Variants in NACA observed in about 807,000 individuals in gnomAD.
NACA encodes nascent polypeptide-associated complex subunit alpha.
Under a neutral mutation model 86.4 loss-of-function variants are expected in NACA, and 42 were observed. The observed-to-expected ratio is 0.49, with a 90% CI of 0.38 to 0.63. The LOEUF is 0.63. Ranked by LOEUF, NACA falls within the 20% of genes least tolerant of loss-of-function variation. The pLI, the probability that NACA is intolerant of heterozygous loss-of-function variation, is 0.00. For synonymous variants in NACA, 898 were observed against 973.7 expected, an observed-to-expected ratio of 0.92 and a Z score of 1.45; for missense variants, 2,157 against 2,483.6, an observed-to-expected ratio of 0.87 and a Z score of 2.80.
In NACA at chr12:56,721,063, T is replaced by G; in HGVS notation, c.467A>C (p.Asn156Thr). 6.2e-7 allele frequency: 1 copy of G among 1,613,586 alleles called. No individual in the cohort carries two copies. Among genetic ancestry groups the G allele is most frequent in the South Asian group, 1.1e-5 (1 of 91,062 alleles). Residue 156 changes from asparagine (N) to threonine (T), a missense_variant, in exon 3 of 9, where the codon AAC (asparagine) becomes ACC (threonine). Physicochemically the swap from Asn to Thr is moderately conservative, Grantham distance 65. This residue lies in a region of NACA where 947 missense variants were observed against 917.9 expected (regional missense o/e 1.03). Coordinates refer to ENST00000454682, the MANE Select transcript of NACA (RefSeq NM_001365896.1). ...CACTGAAGGAGGTGAAGTAAGAAGGTTAGGTGGAAAAGCAGAACTCTTCTG... is the reference window on the plus strand; with the variant it reads ...CACTGAAGGAGGTGAAGTAAGAAGGGTAGGTGGAAAAGCAGAACTCTTCTG... ...SVQKSSAFPP[N>T]LLTSPPSVAV...
chr12:56,713,462 T>C, intron 6 of NACA, 75 bp downstream of exon 6: 1 of 1,539,500 alleles, frequency 6.5e-7, no homozygotes, highest in Non-Finnish European at 8.9e-7. Context: ...CAGAGAACTA[T>C]CTGACGCAAA....
chr12:56,719,863 T>A lies in NACA; in HGVS notation c.1667A>T (p.Asp556Val). 2.5e-6 allele frequency: 4 copies of A among 1,613,734 alleles called. No individual in the cohort carries two copies. The highest frequency in any genetic ancestry group is 3.4e-6 in the Non-Finnish European group (4 of 1,179,814). ...CTGGACTAACGGTAATACAGTAGGG[T>A]CTTTCTTGGTGGTGAGTCCTGCTTG... ...PAQAGLTTKKDPTVLPLVQAA... is the reference protein window; with the variant it reads ...PAQAGLTTKKVPTVLPLVQAA... Residue 556 changes from aspartate to valine, a missense_variant, in exon 3 of 9, where the codon GAC becomes GTC. Physicochemically the swap from Asp to Val is radical, Grantham distance 152 (BLOSUM62 -3). Coordinates refer to ENST00000454682, the MANE Select transcript of NACA (RefSeq NM_001365896.1).
At chr12:56,714,324 G>A in intron 5 of NACA, 38 bp downstream of exon 5, 1 of 1,594,014 alleles carries the variant, frequency 6.3e-7, no homozygotes, top group Non-Finnish European at 8.6e-7. Context: ...CTGTATAAAG[G>A]TGCTTCATAA....
In NACA at chr12:56,721,109, C is replaced by A; in HGVS notation, c.421G>T (p.Ala141Ser). 1.2e-6 allele frequency: 2 copies of A among 1,613,814 alleles called. No homozygotes were observed. Among genetic ancestry groups the A allele is most frequent in the African/African-American group, 2.7e-5 (2 of 75,006 alleles). The stretch of plus-strand genomic sequence containing the variant: ...TTCTGAACTGAGTGGGGAGCCAGGG[C>A]AACCAGAGCTAAGGGAGCTGAAGAG... ...PSSSAPLALV[A>S]LAPHSVQKSS... Residue 141 changes from alanine to serine, a missense_variant, in exon 3 of 9, where the codon GCC (alanine) becomes TCC (serine). Coordinates refer to ENST00000454682, the MANE Select transcript of NACA (RefSeq NM_001365896.1).
At chr12:56,723,520 GCCCCC>G (rs1175672746) in intron 2 of NACA, among the ~76,000 whole-genome samples, 1 of 152,094 alleles carries the variant, frequency 6.6e-6, no homozygotes, top group Admixed American at 6.6e-5. Context: ...CCAGCTTAGA[GCCCCC>G]TATTGTCCTT....
At position 56,716,221 on chromosome 12, in the gene NACA, G is replaced by T; in HGVS notation, c.5309C>A (p.Ser1770Tyr). 1 of 1,613,804 alleles carries T rather than the reference G, an allele frequency of 6.2e-7. No homozygotes were observed. Among genetic ancestry groups the T allele is most frequent in the Non-Finnish European group, 8.5e-7 (1 of 1,179,888 alleles). The change falls in exon 3 of 9, where the codon TCC becomes TAC. Residue 1770 changes from serine to tyrosine, a missense_variant. Coordinates refer to ENST00000454682, the MANE Select transcript of NACA (RefSeq NM_001365896.1). ...AAAGGCAGCTGCTGTTAGAGGGGTG[G>T]ACGCCTTAGACTCAGGAGGAGCCAA... The part of the protein sequence containing the change: ...GPLAPPESKA[S>Y]TPLTAAAFEK...
In NACA at chr12:56,724,682, G is replaced by A. The variant is rs556017550; in HGVS notation, c.-2-159C>T. ...TCCCCAAAGCACCTGGGAATAAGAGGTAAATATGATGTGACCCTCACGCCT... is the reference window on the plus strand; with the variant it reads ...TCCCCAAAGCACCTGGGAATAAGAGATAAATATGATGTGACCCTCACGCCT... On this transcript the variant is annotated intron_variant, in intron 1 of 8. Transcript: ENST00000454682. 9 of 692,292 alleles carry A rather than the reference G, an allele frequency of 1.3e-5. No individual in the cohort carries two copies. In the African/African-American group the frequency reaches 1.6e-4, roughly 12 times the overall value. 42.9% of individuals were successfully genotyped at this position (692,292 alleles called of 1,614,324 possible).
At chr12:56,715,821 G>T (rs780745503) in intron 3 of NACA, 50 bp downstream of exon 3, 2 of 1,444,390 alleles carry the variant, frequency 1.4e-6, no homozygotes, top group Non-Finnish European at 1.8e-6. Context: ...GCGCCCAAGA[G>T]GGGTGTGGAC....
Position 56,717,305 on chromosome 12 carries a change from G to A in NACA, c.4225C>T (p.Pro1409Ser). 1 of 1,342,650 alleles carries A rather than the reference G, an allele frequency of 7.4e-7. No individual in the cohort carries two copies. The highest frequency in any genetic ancestry group is 3.4e-5 in the East Asian group (1 of 29,346). The allele number at this position is 1,342,650 out of a possible 1,614,324, so 83.2% of individuals were successfully genotyped here. Residue 1409 changes from proline to serine, a missense_variant, in exon 3 of 9, where the codon CCT becomes TCT. Pro to Ser is a moderately conservative substitution (Grantham distance 74, BLOSUM62 -1). This residue lies in a region of NACA where 797 missense variants were observed against 777.6 expected (regional missense o/e 1.02). Coordinates refer to ENST00000454682, the MANE Select transcript of NACA (RefSeq NM_001365896.1). Reference protein sequence around the residue: ...KGDPTSPAVIPLSPKKAPATP... With the variant: ...KGDPTSPAVISLSPKKAPATP... ...GCTGGAGCCTTTTTGGGGGAGAGAG[G>A]AATCACTGCTGGGGAAGTGGGGTCC...
chr12:56,722,712 A>C (rs1373490150), intron 2 of NACA, among the ~76,000 whole-genome samples: 1 of 152,232 alleles, frequency 6.6e-6, no homozygotes, highest in South Asian at 2.1e-4. Context: ...AAACCAAAGA[A>C]GACAATTGGA....
In NACA at chr12:56,716,283, T is replaced by C. The variant is rs1156580515; in HGVS notation, c.5247A>G (p.Ala1749=). 6.2e-7 allele frequency: 1 copy of C among 1,613,410 alleles called. No homozygotes were observed. Among genetic ancestry groups the C allele is most frequent in the Non-Finnish European group, 8.5e-7 (1 of 1,179,842 alleles). ...GGGAATGAGAAGCATCTTTGCCTTT[T>C]GCTGTCTTTGAAGAGTCTTTCTGAA... ...LPVQKDSSKT[A]KGKDASHSPK... Residue 1749 remains alanine (A), a synonymous_variant, in exon 3 of 9, where the codon GCA becomes GCG. Transcript: ENST00000454682.
Position 56,714,875 on chromosome 12 carries a change from C to G in NACA, c.5660-188G>C, listed in dbSNP as rs954163004. On this transcript the variant is annotated intron_variant, in intron 3 of 8. Transcript: ENST00000454682. ...TAGTCACTAACTAGCGGGTACACATCTAGTAAAGACCCAGCCCTAACCCCA... is the reference window on the plus strand; with the variant it reads ...TAGTCACTAACTAGCGGGTACACATGTAGTAAAGACCCAGCCCTAACCCCA... The G allele has an allele frequency of 4.9e-5, 29 of 595,694 alleles. No individual in the cohort carries two copies. In the South Asian group the frequency reaches 5.6e-4, roughly 12 times the overall value. 36.9% of individuals were successfully genotyped at this position (595,694 alleles called of 1,614,324 possible).
In NACA at chr12:56,720,398, C is replaced by A. The variant is rs1203941124; in HGVS notation, c.1132G>T (p.Ala378Ser). 8.1e-6 allele frequency: 13 copies of A among 1,613,832 alleles called. No individual in the cohort carries two copies. Among genetic ancestry groups the A allele is most frequent in the Non-Finnish European group, 1.1e-5 (13 of 1,179,848 alleles). ...GAGGGACCTTTGTCAACAGATGGAG[C>A]CACCACTGGAAAGGCAGCCACAGTA... Reference protein sequence around the residue: ...PATVAAFPVVAPSVDKGPSTI... With the variant: ...PATVAAFPVVSPSVDKGPSTI... The change falls in exon 3 of 9, where the codon GCT becomes TCT. Residue 378 changes from alanine to serine, a missense_variant. Around this residue, in one of 8 missense-constraint regions of NACA, gnomAD observed 947 missense variants for 917.9 expected, o/e 1.03. Coordinates refer to ENST00000454682, the MANE Select transcript of NACA (RefSeq NM_001365896.1).
intron 5 of NACA, chr12:56,713,911 G>A (rs1360786241): frequency 6.1e-6 from 3 of 490,188 alleles, no homozygotes; most frequent in Non-Finnish European, 1.1e-5. Context: ...GTGCAATCTC[G>A]GCTCAATGTA....
chr12:56,714,256 T>C, intron 5 of NACA, 106 bp downstream of exon 5: 1 of 1,197,104 alleles, frequency 8.4e-7, no homozygotes, highest in Non-Finnish European at 1.2e-6. Flanking sequence ...GAGAACTTAC[T>C]TGTATAACCA....
intron 3 of NACA, among the ~76,000 whole-genome samples, chr12:56,715,275 G>A (rs1187948866): frequency 6.6e-6 from 1 of 152,078 alleles, no homozygotes; most frequent in Non-Finnish European, 1.5e-5. Flanking sequence ...TATATCTCTA[G>A]TTTTTCCAAA....
chr12:56,721,385 A>G lies in NACA; in HGVS notation c.145T>C (p.Cys49Arg). The change falls in exon 3 of 9, where the codon TGC becomes CGC. Residue 49 changes from cysteine (C) to arginine (R), a missense_variant. Cys to Arg is a radical substitution (Grantham distance 180). This residue lies in a region of NACA where 947 missense variants were observed against 917.9 expected (regional missense o/e 1.03). Transcript: ENST00000454682. Reference protein sequence around the residue: ...GQPGPTLPPPCSPAPQQCPLS... With the variant: ...GQPGPTLPPPRSPAPQQCPLS... Reference sequence around the variant, plus strand: ...GGGCACTGTTGTGGGGCAGGAGAGCAAGGAGGGGGGAGGGTAGGTCCAGGC... The same window carrying G: ...GGGCACTGTTGTGGGGCAGGAGAGCGAGGAGGGGGGAGGGTAGGTCCAGGC... The G allele has an allele frequency of 6.3e-7, 1 of 1,577,274 alleles. No individual in the cohort carries two copies. The highest frequency in any genetic ancestry group is 8.6e-7 in the Non-Finnish European group (1 of 1,164,552).
In NACA at chr12:56,721,204, G is replaced by A. The variant is rs781638982; in HGVS notation, c.326C>T (p.Pro109Leu). The change falls in exon 3 of 9, where the codon CCT becomes CTT. Residue 109 changes from proline (P) to leucine (L), a missense_variant. Transcript: ENST00000454682. Reference protein sequence around the residue: ...APTFLPNLIGPPISPAALALA... With the variant: ...APTFLPNLIGLPISPAALALA... Reference sequence around the variant, plus strand: ...AGCTAAGGCAGCTGGGGAGATGGGAGGCCCTATTAGGTTTGGTAGGAAGGT... The same window carrying A: ...AGCTAAGGCAGCTGGGGAGATGGGAAGCCCTATTAGGTTTGGTAGGAAGGT... 2 of 1,613,920 alleles carry A rather than the reference G, an allele frequency of 1.2e-6. No homozygotes were observed. Among genetic ancestry groups the A allele is most frequent in the African/African-American group, 1.3e-5 (1 of 75,020 alleles).
intron 2 of NACA, among the ~76,000 whole-genome samples, chr12:56,722,067 T>C (rs1413522057): frequency 6.6e-6 from 1 of 152,232 alleles, no homozygotes; most frequent in Non-Finnish European, 1.5e-5. Flanking sequence ...TCTGTTAGAA[T>C]AGTTTTGGGA....
Sources: allele counts gnomAD v4.1 joint callset (sites outside exome capture counted in the v4.1 genomes callset), GRCh38; gene constraint gnomAD v4.1.1; regional missense constraint gnomAD v4.1.1; transcripts MANE v1.5; gene names NCBI Gene and HGNC (gene_info 2026-07-23, HGNC 2026-07-21).